ADGRA3: variants seen among roughly 807,000 people sequenced by gnomAD.
The protein encoded by ADGRA3 is G-protein coupled receptor 125.
Under a neutral mutation model 119.8 loss-of-function variants are expected in ADGRA3, and 56 were observed. The observed-to-expected ratio is 0.47, with a 90% CI of 0.38 to 0.58. ADGRA3 has a LOEUF of 0.58. ADGRA3 is among the 20% of genes least tolerant of loss of function. The pLI is 0.00. For missense variants in ADGRA3, 1,516 were observed against 1,649.0 expected (o/e 0.92, Z 1.40); for synonymous variants, 607 against 623.8 (o/e 0.97, Z 0.40).
intron 3 of ADGRA3, among the ~76,000 whole-genome samples, chr4:22,456,246 C>T (rs1330564917): frequency 2.6e-5 from 4 of 152,034 alleles, no homozygotes; most frequent in East Asian, 1.9e-4. Flanking sequence ...GTGTCAACTT[C>T]GCTGGATTGA....
chr4:22,424,248 C>G lies in ADGRA3; in HGVS notation c.1548G>C (p.Gln516His). Residue 516 changes from glutamine to histidine, a missense_variant, in exon 11 of 19, where the codon CAG (glutamine) becomes CAC (histidine). Gln to His is a conservative substitution (Grantham distance 24). Around this residue, in one of 2 missense-constraint regions of ADGRA3, gnomAD observed 1,088 missense variants for 1,107.1 expected, o/e 0.98. Transcript: ENST00000334304. The part of the protein sequence containing the change: ...REAKACSRIV[Q>H]CLQRIATYRL... ...GGTAGGTAGCAATGCGCTGAAGACA[C>G]TGCACAATCCTACTGCAGGCTTTAG... is the stretch of plus-strand genomic sequence containing the variant. 2 of 1,613,586 alleles carry G rather than the reference C, an allele frequency of 1.2e-6. No individual in the cohort carries two copies. Among genetic ancestry groups the G allele is most frequent in the Non-Finnish European group, 1.7e-6 (2 of 1,179,880 alleles).
chr4:22,491,876 A>T (rs892555443), intron 1 of ADGRA3, among the ~76,000 whole-genome samples: 1 of 152,172 alleles, frequency 6.6e-6, no homozygotes, highest in Non-Finnish European at 1.5e-5. Flanking sequence ...TCTTTAACAC[A>T]CTGGTCAACT....
intron 8 of ADGRA3, 80 bp downstream of exon 8, chr4:22,438,176 A>C: frequency 8.3e-7 from 1 of 1,208,122 alleles, no homozygotes; most frequent in South Asian, 1.5e-5. Context: ...TACTCAGGAC[A>C]GGAAACCAAT....
chr4:22,511,398 A>G (rs952445452), intron 1 of ADGRA3, among the ~76,000 whole-genome samples: 30 of 152,158 alleles, frequency 2.0e-4, no homozygotes, highest in African/African-American at 6.5e-4. Flanking sequence ...CGGGGAACAC[A>G]CAGTTAAGCC....
At chr4:22,498,461 A>G (rs1395974376) in intron 1 of ADGRA3, among the ~76,000 whole-genome samples, 1 of 151,720 alleles carries the variant, frequency 6.6e-6, no homozygotes, top group Non-Finnish European at 1.5e-5. Flanking sequence ...TCTACTAAAA[A>G]TACAAAATTA....
intron 17 of ADGRA3, among the ~76,000 whole-genome samples, chr4:22,390,970 C>T (rs560922390): frequency 2.0e-5 from 3 of 152,174 alleles, no homozygotes; most frequent in South Asian, 2.1e-4. Flanking sequence ...TCTGGGGCCA[C>T]GGAGCACCCC....
At chr4:22,439,954 A>T (rs949148551) in intron 7 of ADGRA3, among the ~76,000 whole-genome samples, 4 of 152,206 alleles carry the variant, frequency 2.6e-5, no homozygotes, top group African/African-American at 9.6e-5. Flanking sequence ...ATTTGAAAAA[A>T]GTAACACACA....
intron 4 of ADGRA3, among the ~76,000 whole-genome samples, chr4:22,448,289 A>C (rs1051167977): frequency 1.3e-5 from 2 of 152,186 alleles, no homozygotes; most frequent in Admixed American, 6.5e-5. Context: ...AATGGTGCTC[A>C]ATAATTGCCC....
At chr4:22,509,384 T>C (rs1278187400) in intron 1 of ADGRA3, among the ~76,000 whole-genome samples, 1 of 151,680 alleles carries the variant, frequency 6.6e-6, no homozygotes, top group Non-Finnish European at 1.5e-5. Flanking sequence ...GCACCTGTAA[T>C]CCCAGCTACT....
intron 1 of ADGRA3, among the ~76,000 whole-genome samples, chr4:22,513,869 A>C (rs991791941): frequency 2.0e-5 from 3 of 149,206 alleles, no homozygotes; most frequent in Admixed American, 6.6e-5. Flanking sequence ...AAAAAAAAAA[A>C]AAAAACTGGA....
chr4:22,420,785 A>G, intron 12 of ADGRA3, 101 bp downstream of exon 12: 1 of 812,018 alleles, frequency 1.2e-6, no homozygotes, highest in Non-Finnish European at 1.8e-6. Flanking sequence ...ATCTTCCTGC[A>G]AAAAAAAAAT....
At chr4:22,489,591 G>A (rs1718553075) in intron 1 of ADGRA3, among the ~76,000 whole-genome samples, 1 of 152,100 alleles carries the variant, frequency 6.6e-6, no homozygotes, top group Non-Finnish European at 1.5e-5. Context: ...TACAAGCCAG[G>A]GAAACTGATG....
intron 14 of ADGRA3, among the ~76,000 whole-genome samples, chr4:22,411,124 G>A (rs976802990): frequency 4.6e-5 from 7 of 152,142 alleles, no homozygotes; most frequent in African/African-American, 1.7e-4. Context: ...CTTATAAAAT[G>A]CATTTTTGTG....
intron 1 of ADGRA3, among the ~76,000 whole-genome samples, chr4:22,476,219 C>T (rs1002934334): frequency 1.3e-5 from 2 of 152,070 alleles, no homozygotes; most frequent in East Asian, 3.9e-4. Context: ...TCAAAGCTCA[C>T]TTCCGGAACA....
At chr4:22,413,092 CA>C in intron 14 of ADGRA3, 89 bp downstream of exon 14, 1 of 915,184 alleles carries the variant, frequency 1.1e-6, no homozygotes. Context: ...AAAAAAAAAA[CA>C]AAAAACAAAA....
chr4:22,409,305 C>G (rs1715088868), intron 14 of ADGRA3, among the ~76,000 whole-genome samples: 1 of 152,104 alleles, frequency 6.6e-6, no homozygotes, highest in Admixed American at 6.6e-5. Context: ...TGACACTGTA[C>G]AAACCACTAG....
intron 1 of ADGRA3, among the ~76,000 whole-genome samples, chr4:22,503,392 C>T (rs1338741401): frequency 6.6e-6 from 1 of 152,144 alleles, no homozygotes. Flanking sequence ...ACAAAGAATG[C>T]TTTTAAGTCT....
intron 1 of ADGRA3, among the ~76,000 whole-genome samples, chr4:22,493,065 A>G (rs984704615): frequency 3.3e-5 from 5 of 152,186 alleles, no homozygotes; most frequent in African/African-American, 1.2e-4. Context: ...CCTGTGATCA[A>G]GAAATCCTCC....
rs764369233 is a variant in ADGRA3 at position 22,435,380 on chromosome 4, C to T, written c.1374G>A (p.Met458Ile). The T allele has an allele frequency of 2.5e-6, 4 of 1,613,338 alleles. No individual in the cohort carries two copies. In the East Asian group the frequency reaches 6.7e-5, roughly 27 times the overall value. ...TVEAANFSDK[M>I]DVIFVAEMIE... ...TCATTTCTGCCACAAATATAACATC[C>T]ATTTTGTCAGAAAAGTTGGCTGCTT... is the stretch of plus-strand genomic sequence containing the variant. Residue 458 changes from methionine to isoleucine, a missense_variant, in exon 10 of 19, where the codon ATG (methionine) becomes ATA (isoleucine). Met to Ile is a conservative substitution (Grantham distance 10). Coordinates refer to ENST00000334304, the MANE Select transcript of ADGRA3 (RefSeq NM_145290.4).
Sources: allele counts gnomAD v4.1 joint callset (sites outside exome capture counted in the v4.1 genomes callset), GRCh38; gene constraint gnomAD v4.1.1; regional missense constraint gnomAD v4.1.1; transcripts MANE v1.5; gene names NCBI Gene and HGNC (gene_info 2026-07-23, HGNC 2026-07-21).